Variants in UROC1 observed in about 807,000 individuals in gnomAD.
UROC1 encodes the protein urocanate hydratase.
In UROC1, 79 loss-of-function variants were observed where a neutral mutation model predicts 89.5. The observed-to-expected ratio is 0.88, with a 90% CI of 0.74 to 1.06. The LOEUF (loss-of-function observed/expected upper bound fraction) is 1.06, where lower values mean the gene tolerates loss of function less well. Among genes scored for constraint, UROC1 ranks in the 50% least tolerant of loss-of-function variants. The pLI is 0.00. For missense variants in UROC1, 885 were observed against 907.8 expected, an observed-to-expected ratio of 0.97 and a Z score of 0.32; for synonymous variants, 361 against 354.8, an observed-to-expected ratio of 1.02 and a Z score of -0.20.
intron 16 of UROC1, among the ~76,000 whole-genome samples, chr3:126,492,019 C>T (rs1310556198): frequency 1.3e-5 from 2 of 152,062 alleles, no homozygotes; most frequent in Non-Finnish European, 2.9e-5. Flanking sequence ...CCCAGAGGGG[C>T]CTTGGAGCCC....
intron 11 of UROC1, 70 bp downstream of exon 11, chr3:126,500,625 G>T (rs1935895816): frequency 6.3e-7 from 1 of 1,591,964 alleles, no homozygotes; most frequent in Non-Finnish European, 8.6e-7. Flanking sequence ...AGAACTAGGT[G>T]GTGGCCAGAG....
At chr3:126,502,218 G>T (rs1935940878) in intron 9 of UROC1, among the ~76,000 whole-genome samples, 2 of 151,474 alleles carry the variant, frequency 1.3e-5, no homozygotes, top group Admixed American at 1.3e-4. Flanking sequence ...GTGTGTCTGT[G>T]TGTGTTTATG....
chr3:126,513,530 C>T (rs1352201454), intron 1 of UROC1, among the ~76,000 whole-genome samples: 2 of 152,200 alleles, frequency 1.3e-5, no homozygotes, highest in Non-Finnish European at 2.9e-5. Context: ...ATGGCACATG[C>T]ACATTGCCGC....
chr3:126,487,103 A>G (rs1280875762), intron 18 of UROC1, among the ~76,000 whole-genome samples: 1 of 152,116 alleles, frequency 6.6e-6, no homozygotes, highest in South Asian at 2.1e-4. Context: ...GGCTGCCTGA[A>G]TTCTGGCCCT....
At chr3:126,498,197 C>T (rs1187829087) in intron 13 of UROC1, 25 bp from the exon 14 acceptor site, 1 of 1,613,902 alleles carries the variant, frequency 6.2e-7, no homozygotes, top group Non-Finnish European at 8.5e-7. Flanking sequence ...GCCTCCTCAC[C>T]CTGGGCCCGC....
intron 19 of UROC1, among the ~76,000 whole-genome samples, chr3:126,483,086 C>T (rs1935426407): frequency 6.6e-6 from 1 of 152,208 alleles, no homozygotes; most frequent in Non-Finnish European, 1.5e-5. Flanking sequence ...CATGCTCACG[C>T]TCCGGGCCCA....
intron 16 of UROC1, among the ~76,000 whole-genome samples, chr3:126,491,456 C>G (rs1415853279): frequency 6.6e-6 from 1 of 152,242 alleles, no homozygotes; most frequent in African/African-American, 2.4e-5. Flanking sequence ...GGGGCGAGTG[C>G]GCCTGGAGCT....
rs750847739 is a variant in UROC1 at position 126,496,097 on chromosome 3, C to T, written c.1450G>A (p.Val484Met). Residue 484 changes from valine to methionine, a missense_variant, in exon 15 of 20, where the codon GTG becomes ATG. Physicochemically the swap from Val to Met is conservative, Grantham distance 21. Transcript: ENST00000290868. ...ATGTTGTCCATGTACTGCAGCTTCA[C>T]AGACACCTTCACTGCAGGAGAGAGG... ...EAIADGVKVS[V>M]KLQYMDNIRW... 4.3e-5 allele frequency: 70 copies of T among 1,613,068 alleles called. No individual in the cohort carries two copies. The highest frequency in any genetic ancestry group is 8.0e-5 in the African/African-American group (6 of 74,948).
intron 15 of UROC1, among the ~76,000 whole-genome samples, chr3:126,494,063 A>G (rs1199557616): frequency 6.6e-6 from 1 of 152,200 alleles, no homozygotes; most frequent in Non-Finnish European, 1.5e-5. Flanking sequence ...GTGAATCAGC[A>G]CTGCAGAGAT....
At chr3:126,489,431 T>C in intron 16 of UROC1, 56 bp from the exon 17 acceptor site, 1 of 1,464,566 alleles carries the variant, frequency 6.8e-7, no homozygotes, top group Non-Finnish European at 9.5e-7. Context: ...GGCTTCCTGG[T>C]AAAGACTGAG....
In UROC1 at chr3:126,489,712, G is replaced by A. The variant is rs149457028; in HGVS notation, c.1609-337C>T. On this transcript the variant is annotated intron_variant, in intron 16 of 19. Transcript: ENST00000290868. ...CTATATCACAGAGCGAGTGAGTCGT[G>A]AGCTGGGGTTTAACCCCACACGTGT... Among the ~76,000 whole-genome samples the A allele has an allele frequency of 1.9e-3, 287 of 152,306 alleles. 1 individual carries two copies. The highest frequency in any genetic ancestry group is 6.0e-3 in the African/African-American group (250 of 41,568).
intron 2 of UROC1, 104 bp downstream of exon 2, chr3:126,510,560 C>T: frequency 1.3e-6 from 2 of 1,534,114 alleles, no homozygotes; most frequent in Non-Finnish European, 1.8e-6. Context: ...GACTGGGTTT[C>T]CCCCTCACTG....
intron 16 of UROC1, 23 bp downstream of exon 16, chr3:126,492,395 C>T (rs374952134): frequency 1.2e-5 from 20 of 1,607,764 alleles, no homozygotes; most frequent in Non-Finnish European, 1.7e-5. Context: ...GGGATGCTTC[C>T]CCCAGAGCAC....
intron 16 of UROC1, among the ~76,000 whole-genome samples, chr3:126,492,035 C>G (rs898738483): frequency 6.6e-6 from 1 of 152,110 alleles, no homozygotes; most frequent in African/African-American, 2.4e-5. Context: ...AGCCCCTGAG[C>G]CACCTATGCT....
chr3:126,517,720 G>A lies in UROC1; in HGVS notation c.-1C>T. On this transcript the variant is annotated 5_prime_UTR_variant, in exon 1 of 20. Transcript: ENST00000290868. ...AGCACAGCGCCTGGAGGCTAGACAT[G>A]TGTGACTGAGATGGAGGCAGAGGCC... is the stretch of plus-strand genomic sequence containing the variant. 1 of 1,571,612 alleles carries A rather than the reference G, an allele frequency of 6.4e-7. No individual in the cohort carries two copies. Among genetic ancestry groups the A allele is most frequent in the South Asian group, 1.2e-5 (1 of 86,448 alleles).
At chr3:126,502,128 G>A (rs552302553) in intron 9 of UROC1, among the ~76,000 whole-genome samples, 13 of 152,310 alleles carry the variant, frequency 8.5e-5, no homozygotes, top group South Asian at 6.2e-4. Flanking sequence ...GTATATATGC[G>A]TGTATATGCA....
chr3:126,488,133 C>T, intron 18 of UROC1, 65 bp downstream of exon 18: 1 of 1,581,998 alleles, frequency 6.3e-7, no homozygotes, highest in Non-Finnish European at 8.7e-7. Flanking sequence ...CAGCCTGGCC[C>T]TGCCCCAAAG....
chr3:126,497,949 C>G, intron 14 of UROC1, 102 bp downstream of exon 14: 1 of 1,600,870 alleles, frequency 6.2e-7, no homozygotes, highest in Non-Finnish European at 8.5e-7. Context: ...CAGGTTCCCT[C>G]CCAGAATTAG....
At chr3:126,500,626 G>A (rs1935895902) in intron 11 of UROC1, 69 bp downstream of exon 11, 2 of 1,596,282 alleles carry the variant, frequency 1.3e-6, no homozygotes, top group Non-Finnish European at 8.6e-7. Flanking sequence ...GAACTAGGTG[G>A]TGGCCAGAGC....
Sources: allele counts gnomAD v4.1 joint callset (sites outside exome capture counted in the v4.1 genomes callset), GRCh38; gene constraint gnomAD v4.1.1; transcripts MANE v1.5; gene names NCBI Gene and HGNC (gene_info 2026-07-23, HGNC 2026-07-21).